KANK4: variants seen among roughly 807,000 people sequenced by gnomAD.
The protein encoded by KANK4 is KN motif and ankyrin repeat domains 4, also known as KN motif and ankyrin repeat domain-containing protein 4.
A neutral mutation model predicts 80.8 loss-of-function variants in KANK4; 50 were observed. The ratio of observed to expected loss-of-function variants is 0.62; its 90% CI spans 0.49 to 0.78. The LOEUF is 0.78. Ranked by LOEUF, KANK4 falls within the 30% of genes least tolerant of loss-of-function variation. The pLI, the probability that KANK4 is intolerant of heterozygous loss-of-function variation, is 0.00. For missense variants in KANK4, 1,196 were observed against 1,240.1 expected (o/e 0.96, Z 0.53); for synonymous variants, 465 against 506.9 (o/e 0.92, Z 1.11).
intron 9 of KANK4, among the ~76,000 whole-genome samples, chr1:62,239,678 C>T (rs886852435): frequency 3.9e-5 from 6 of 152,132 alleles, no homozygotes; most frequent in Admixed American, 2.0e-4. Flanking sequence ...CCCCACCCCA[C>T]GACAGGCCCT....
intron 9 of KANK4, among the ~76,000 whole-genome samples, chr1:62,239,551 C>A (rs1456100667): frequency 6.6e-6 from 1 of 151,964 alleles, no homozygotes. Context: ...TTCTAGGGTA[C>A]CTGTGCACAA....
chr1:62,241,809 C>G lies in KANK4; in HGVS notation c.2884-3428G>C, dbSNP rs368701079. The stretch of plus-strand genomic sequence containing the variant: ...CTGAACTTCATCTGCTGTGCCTTGT[C>G]AATCCTAAGCCTCTATGTAAACACA... On this transcript the variant is annotated intron_variant, in intron 9 of 9. Transcript: ENST00000371153. Among the ~76,000 whole-genome samples, 5 of 152,312 alleles carry G rather than the reference C, an allele frequency of 3.3e-5. 1 individual carries two copies. Among genetic ancestry groups the G allele is most frequent in the African/African-American group, 9.6e-5 (4 of 41,568 alleles).
At chr1:62,259,375 C>A (rs895931952) in intron 7 of KANK4, among the ~76,000 whole-genome samples, 1 of 152,048 alleles carries the variant, frequency 6.6e-6, no homozygotes, top group African/African-American at 2.4e-5. Flanking sequence ...TTCCTGGGTT[C>A]AAGAGATCCT....
At chr1:62,254,593 G>A (rs530501834) in intron 7 of KANK4, among the ~76,000 whole-genome samples, 9 of 146,660 alleles carry the variant, frequency 6.1e-5, no homozygotes, top group African/African-American at 1.5e-4. Flanking sequence ...TCTCTCTGTC[G>A]CCCAGGCTGG....
intron 8 of KANK4, among the ~76,000 whole-genome samples, chr1:62,249,686 G>A (rs1156935790): frequency 1.3e-5 from 2 of 151,782 alleles, no homozygotes; most frequent in Non-Finnish European, 2.9e-5. Context: ...GGGATTACGG[G>A]CGCCCACCAT....
At chr1:62,241,864 G>A (rs1671349324) in intron 9 of KANK4, among the ~76,000 whole-genome samples, 1 of 152,182 alleles carries the variant, frequency 6.6e-6, no homozygotes, top group African/African-American at 2.4e-5. Context: ...TTACGGAGAA[G>A]AGCCACAGGG....
intron 1 of KANK4, among the ~76,000 whole-genome samples, chr1:62,309,813 AC>A (rs1644483284): frequency 6.6e-6 from 1 of 152,136 alleles, no homozygotes; most frequent in South Asian, 2.1e-4. Context: ...CTACATTTTA[AC>A]AAGAGCTGCC....
rs781399510 is a variant in KANK4 at position 62,274,567 on chromosome 1, G to A, written c.537C>T (p.Gly179=). 2 of 1,614,006 alleles carry A rather than the reference G, an allele frequency of 1.2e-6. No individual in the cohort carries two copies. The highest frequency in any genetic ancestry group is 2.2e-5 in the East Asian group (1 of 44,878). Reference sequence around the variant, plus strand: ...GAGGGGCAGGGGGCCCCAGGCTCAGGCCTGGCTCCTCAGAAGCCCTGCTGT... The same window carrying A: ...GAGGGGCAGGGGGCCCCAGGCTCAGACCTGGCTCCTCAGAAGCCCTGCTGT... ...LLHSRASEEP[G]LSLGPPAPPA... The change falls in exon 3 of 10, where the codon GGC becomes GGT. Residue 179 remains glycine, a synonymous_variant. Transcript: ENST00000371153.
chr1:62,297,677 C>T (rs1644378055), intron 1 of KANK4, among the ~76,000 whole-genome samples: 1 of 152,200 alleles, frequency 6.6e-6, no homozygotes. Flanking sequence ...TGGTTGGGGA[C>T]ACGCTGGGTC....
intron 9 of KANK4, among the ~76,000 whole-genome samples, chr1:62,240,939 C>T (rs899801315): frequency 2.0e-5 from 3 of 152,188 alleles, no homozygotes; most frequent in Non-Finnish European, 4.4e-5. Flanking sequence ...CCAAAAACCA[C>T]ACTCTTTAGA....
chr1:62,253,311 A>T, intron 7 of KANK4, 102 bp from the exon 8 acceptor site: 1 of 1,120,284 alleles, frequency 8.9e-7, no homozygotes, highest in Non-Finnish European at 1.2e-6. Flanking sequence ...TTAGAAAGCC[A>T]TGGACTAGAG....
At chr1:62,249,063 G>A (rs113583217) in intron 8 of KANK4, among the ~76,000 whole-genome samples, 24,863 of 148,374 alleles carry the variant, frequency 0.17, 2,836 homozygotes, top group East Asian at 0.66. Flanking sequence ...TATTCGGGAG[G>A]CTGAGGCAGG....
chr1:62,259,224 T>A (rs1459545133), intron 7 of KANK4, among the ~76,000 whole-genome samples: 2 of 152,106 alleles, frequency 1.3e-5, no homozygotes, highest in Admixed American at 1.3e-4. Flanking sequence ...AGAAGAGTTA[T>A]GCTCTACCTC....
chr1:62,245,082 T>C (rs1671434851), intron 9 of KANK4, among the ~76,000 whole-genome samples: 1 of 152,196 alleles, frequency 6.6e-6, no homozygotes, highest in Non-Finnish European at 1.5e-5. Flanking sequence ...GGGCCTCCCA[T>C]CTCAGGCCTC....
chr1:62,274,237 CA>C lies in KANK4; in HGVS notation c.866del (p.Leu289ArgfsTer28). On this transcript the variant is annotated frameshift_variant, in exon 3 of 10. Coordinates refer to ENST00000371153, the MANE Select transcript of KANK4 (RefSeq NM_181712.5). LOFTEE classifies it high-confidence loss of function. ...GCTCATTCTCAGGGATGGGTGATGG[CA>C]GAGGTGGCGGGCTTGGCGTAGGGGA... ...PGSPTPSPPP[L>X]PSPIPENELL... 1 of 1,614,058 alleles carries C rather than the reference CA, an allele frequency of 6.2e-7. No homozygotes were observed. The highest frequency in any genetic ancestry group is 8.5e-7 in the Non-Finnish European group (1 of 1,179,972).
At chr1:62,268,587 C>T (rs1395691160) in intron 4 of KANK4, 82 bp from the exon 5 acceptor site, 34 of 1,084,264 alleles carry the variant, frequency 3.1e-5, no homozygotes, top group Middle Eastern at 4.0e-4. Context: ...GGGTGGGCCT[C>T]GGGTAACACT....
intron 1 of KANK4, among the ~76,000 whole-genome samples, chr1:62,282,671 G>A (rs1480415175): frequency 6.6e-6 from 1 of 152,230 alleles, no homozygotes; most frequent in Non-Finnish European, 1.5e-5. Flanking sequence ...AAATGCCAAA[G>A]TTTGCCACCA....
chr1:62,271,466 A>C lies in KANK4; in HGVS notation c.2012+12T>G, dbSNP rs1672159654. ...CAAGAAAGGCAGTCTGAGCTTCACA[A>C]GCGATGCTTACCCACCGTTAACCCC... On this transcript the variant is annotated intron_variant, in intron 4 of 9. Coordinates refer to ENST00000371153, the MANE Select transcript of KANK4 (RefSeq NM_181712.5). The C allele has an allele frequency of 6.4e-7, 1 of 1,570,024 alleles. No individual in the cohort carries two copies. The highest frequency in any genetic ancestry group is 8.8e-7 in the Non-Finnish European group (1 of 1,140,132).
intron 1 of KANK4, among the ~76,000 whole-genome samples, chr1:62,317,392 C>T (rs184030519): frequency 6.6e-6 from 1 of 152,182 alleles, no homozygotes; most frequent in South Asian, 2.1e-4. Flanking sequence ...AAGGTGCACA[C>T]ATGGGGCAGT....
Sources: allele counts gnomAD v4.1 joint callset (sites outside exome capture counted in the v4.1 genomes callset), GRCh38; gene constraint gnomAD v4.1.1; transcripts MANE v1.5; gene names NCBI Gene and HGNC (gene_info 2026-07-23, HGNC 2026-07-21).